EIF3M: variants seen among roughly 807,000 people sequenced by gnomAD.
EIF3M encodes the protein B5 receptor.
A neutral mutation model predicts 49.7 loss-of-function variants in EIF3M; 25 were observed. The ratio of observed to expected loss-of-function variants is 0.50; its 90% CI spans 0.37 to 0.70. The LOEUF (loss-of-function observed/expected upper bound fraction) is 0.70. Among genes scored for constraint, EIF3M ranks in the 30% least tolerant of loss-of-function variants. EIF3M has a pLI of 0.00. For missense variants in EIF3M, 350 were observed against 440.0 expected (o/e 0.80, Z 1.83); for synonymous variants, 156 against 149.8 (o/e 1.04, Z -0.30).
At position 32,592,313 on chromosome 11, in the gene EIF3M, C is replaced by T. The variant is rs868155887; in HGVS notation, c.534-1553C>T. 13 of 537,598 alleles carry T rather than the reference C, an allele frequency of 2.4e-5. No individual in the cohort carries two copies. The Middle Eastern group carries it at 3.7e-3, about 151-fold the overall frequency. 33.3% of individuals were successfully genotyped at this position (537,598 alleles called of 1,614,324 possible). On this transcript the variant is annotated intron_variant, in intron 5 of 10. Transcript: ENST00000531120. ...TTCTGAACCACAATTTTATCATGAT[C>T]ATCAAAAGTTACAAAAGCAAATCCT...
chr11:32,601,562 T>C (rs1045214562), intron 9 of EIF3M, 200 bp from the exon 10 acceptor site: 24 of 451,296 alleles, frequency 5.3e-5, no homozygotes, highest in Non-Finnish European at 9.5e-5. Context: ...TAATATAGAT[T>C]GTCCCAGCAG....
In EIF3M at chr11:32,591,957, T is replaced by G. The variant is rs888404399; in HGVS notation, c.534-1909T>G. The stretch of plus-strand genomic sequence containing the variant: ...GTAATTACCACTCCCCAAATTACCT[T>G]CTTCATTGTAACCATCATATCCTCC... On this transcript the variant is annotated intron_variant, in intron 5 of 10. Coordinates refer to ENST00000531120, the MANE Select transcript of EIF3M (RefSeq NM_006360.6). 3 of 264,146 alleles carry G rather than the reference T, an allele frequency of 1.1e-5. No individual in the cohort carries two copies. In the South Asian group the frequency reaches 1.5e-4, roughly 13 times the overall value. 16.4% of individuals were successfully genotyped at this position (264,146 alleles called of 1,614,324 possible).
chr11:32,587,004 C>T lies in EIF3M; in HGVS notation c.43-8C>T. 6.2e-7 allele frequency: 1 copy of T among 1,600,426 alleles called. No homozygotes were observed. The highest frequency in any genetic ancestry group is 1.4e-5 in the African/African-American group (1 of 73,042). ...TAGTCAGTTTTATAATAGAGCAATC[C>T]TCAACAGGCTGCTGAGCTTCGTGCT... is the stretch of plus-strand genomic sequence containing the variant. On this transcript the variant is annotated splice_polypyrimidine_tract_variant and splice_region_variant and intron_variant, in intron 1 of 10. Transcript: ENST00000531120.
intron 5 of EIF3M, chr11:32,592,066 C>G (rs1855111307): frequency 3.6e-6 from 1 of 280,694 alleles, no homozygotes; most frequent in Non-Finnish European, 6.9e-6. Context: ...CCATCACCTT[C>G]AAATCCATTA....
At position 32,602,808 on chromosome 11, in the gene EIF3M, A is replaced by G; in HGVS notation, c.*409A>G. 1 of 1,562,010 alleles carries G rather than the reference A, an allele frequency of 6.4e-7. No homozygotes were observed. Among genetic ancestry groups the G allele is most frequent in the Non-Finnish European group, 8.7e-7 (1 of 1,149,414 alleles). On this transcript the variant is annotated 3_prime_UTR_variant, in exon 11 of 11. Transcript: ENST00000531120. ...ATTTCACTACTGAAAGCACTTATCT[A>G]CATTATTTTAATCTGTTGTTTTTTT...
intron 5 of EIF3M, chr11:32,592,611 G>C: frequency 1.9e-6 from 1 of 528,060 alleles, no homozygotes; most frequent in South Asian, 1.4e-5. Flanking sequence ...ACCAGAGTTT[G>C]TGGAACATTT....
chr11:32,588,870 T>C lies in EIF3M; in HGVS notation c.314+138T>C, dbSNP rs538625850. On this transcript the variant is annotated intron_variant, in intron 3 of 10. Coordinates refer to ENST00000531120, the MANE Select transcript of EIF3M (RefSeq NM_006360.6). ...TTAGCTGTGACCTTGGGCAAGTGGC[T>C]TGACCTTTCTGTGCCCTAGTTTCCT... 58 of 1,537,952 alleles carry C rather than the reference T, an allele frequency of 3.8e-5. No homozygotes were observed. The African/African-American group carries it at 4.9e-4, about 13-fold the overall frequency.
At chr11:32,593,347 G>T (rs1271154575) in intron 5 of EIF3M, among the ~76,000 whole-genome samples, 2 of 152,312 alleles carry the variant, frequency 1.3e-5, no homozygotes, top group African/African-American at 4.8e-5. Flanking sequence ...TTAATTGGAA[G>T]GGTATCTTAA....
At chr11:32,594,632 C>G in intron 6 of EIF3M, 1 of 271,510 alleles carries the variant, frequency 3.7e-6, no homozygotes, top group Non-Finnish European at 7.0e-6. Flanking sequence ...CACTTAGTGT[C>G]TTGGCATGTG....
chr11:32,585,413 G>A (rs1251484787), intron 1 of EIF3M, among the ~76,000 whole-genome samples: 1 of 152,170 alleles, frequency 6.6e-6, no homozygotes, highest in African/African-American at 2.4e-5. Flanking sequence ...GCTGTAGACA[G>A]TCCTTTCAGG....
At chr11:32,586,189 A>T (rs1475592074) in intron 1 of EIF3M, among the ~76,000 whole-genome samples, 1 of 152,152 alleles carries the variant, frequency 6.6e-6, no homozygotes, top group Non-Finnish European at 1.5e-5. Context: ...GGATCGCTCC[A>T]TTGCACTCAT....
chr11:32,590,332 A>G (rs1453566973), intron 5 of EIF3M, among the ~76,000 whole-genome samples: 1 of 152,234 alleles, frequency 6.6e-6, no homozygotes, highest in East Asian at 1.9e-4. Context: ...AACAGATACC[A>G]TATAGCTTGC....
chr11:32,586,886 C>G (rs1024338741), intron 1 of EIF3M, 126 bp from the exon 2 acceptor site: 1 of 1,316,942 alleles, frequency 7.6e-7, no homozygotes. Flanking sequence ...AGGGAGGGGT[C>G]TTCAACATTA....
intron 8 of EIF3M, among the ~76,000 whole-genome samples, chr11:32,599,685 T>C (rs906348845): frequency 6.6e-6 from 1 of 151,970 alleles, no homozygotes; most frequent in African/African-American, 2.4e-5. Context: ...ATTAATAAGT[T>C]AGCATCAAAA....
chr11:32,592,103 ACTT>A lies in EIF3M; in HGVS notation c.534-1760_534-1758del, dbSNP rs531818895. On this transcript the variant is annotated intron_variant, in intron 5 of 10. Coordinates refer to ENST00000531120, the MANE Select transcript of EIF3M (RefSeq NM_006360.6). Reference sequence around the variant, plus strand: ...ATCCAGCAACCCCTCCTCCATAACTACTTCTGCTGCCACCACCCCAGCACCATA... The same window carrying A: ...ATCCAGCAACCCCTCCTCCATAACTACTGCTGCCACCACCCCAGCACCATA... 562 of 299,378 alleles carry A rather than the reference ACTT, an allele frequency of 1.9e-3. 3 individuals carry two copies. The highest frequency in any genetic ancestry group is 3.1e-3 in the Non-Finnish European group (472 of 154,266). The allele number at this position is 299,378 out of a possible 1,614,324, so 18.5% of individuals were successfully genotyped here.
At chr11:32,587,551 A>T (rs1043413813) in intron 2 of EIF3M, among the ~76,000 whole-genome samples, 12 of 152,208 alleles carry the variant, frequency 7.9e-5, no homozygotes, top group African/African-American at 2.9e-4. Context: ...AATCTATTAT[A>T]CCTATAAAGT....
chr11:32,594,877 C>G (rs1443695881), intron 6 of EIF3M, 37 bp from the exon 7 acceptor site: 1 of 1,563,110 alleles, frequency 6.4e-7, no homozygotes, highest in Admixed American at 2.0e-5. Flanking sequence ...GCCAGGATTT[C>G]AAAACCCTGA....
chr11:32,592,363 T>C lies in EIF3M; in HGVS notation c.534-1503T>C, dbSNP rs755630840. On this transcript the variant is annotated intron_variant, in intron 5 of 10. Coordinates refer to ENST00000531120, the MANE Select transcript of EIF3M (RefSeq NM_006360.6). ...TCTCTTTTTTCCACTCTGCCAGTCCTCCTGTAACTTCTGTGGTTTCAATCT... is the reference window on the plus strand; with the variant it reads ...TCTCTTTTTTCCACTCTGCCAGTCCCCCTGTAACTTCTGTGGTTTCAATCT... The C allele has an allele frequency of 8.9e-5, 49 of 552,102 alleles. No individual in the cohort carries two copies. The Middle Eastern group carries it at 2.3e-3, about 26-fold the overall frequency. The allele number at this position is 552,102 out of a possible 1,614,324, so 34.2% of individuals were successfully genotyped here. A position where few individuals can be genotyped will look rare whatever the true frequency, so the allele number is the denominator to read the frequency against.
intron 1 of EIF3M, among the ~76,000 whole-genome samples, chr11:32,584,607 C>CAAAAAAAAAAAAAAAAAAAA (rs796738414): frequency 1.6e-5 from 1 of 62,292 alleles, no homozygotes; most frequent in Non-Finnish European, 2.9e-5. Flanking sequence ...GAGTCCCTCT[C>CAAAAAAAAAAAAAAAAAAAA]AAAAAAAAAA....
Sources: gnomAD v4.1 joint callset for allele counts (sites outside exome capture counted in the v4.1 genomes callset) on GRCh38, gnomAD v4.1.1 for gene constraint, MANE v1.5 for transcripts, NCBI Gene and HGNC (gene_info 2026-07-23, HGNC 2026-07-21) for gene names.